PHEX: variants seen among roughly 807,000 people sequenced by gnomAD.
The protein encoded by PHEX is phosphate-regulating neutral endopeptidase PHEX.
PHEX carries 16 observed loss-of-function variants against 68.0 expected under a neutral mutation model. The ratio of observed to expected loss-of-function variants is 0.24; its 90% confidence interval spans 0.16 to 0.36. The LOEUF (loss-of-function observed/expected upper bound fraction) is 0.36. PHEX is among the 10% of genes least tolerant of loss of function. PHEX has a pLI of 1.00. For synonymous variants in PHEX, 208 were observed against 205.1 expected (o/e 1.01, Z -0.12); for missense variants, 480 against 575.5 (o/e 0.83, Z 1.70).
At chrX:22,223,694 C>T (rs1239048017) in intron 18 of PHEX, among the ~76,000 whole-genome samples, 5 of 112,432 alleles carry the variant, frequency 4.4e-5, no homozygotes, top group Non-Finnish European at 5.6e-5. Flanking sequence ...TATGATCACA[C>T]CACTGCACTC....
chrX:22,134,442 A>T (rs1376227819), intron 12 of PHEX, among the ~76,000 whole-genome samples: 2 of 111,748 alleles, frequency 1.8e-5, no homozygotes, highest in African/African-American at 6.5e-5. Flanking sequence ...AATACAAAAA[A>T]ATTAGTCGGG....
At chrX:22,219,480 G>C in intron 17 of PHEX, among the ~76,000 whole-genome samples, 1 of 112,584 alleles carries the variant, frequency 8.9e-6, no homozygotes. Flanking sequence ...CTCCAACGAT[G>C]ATTATACATG....
At chrX:22,052,273 C>A (rs1298781039) in intron 3 of PHEX, among the ~76,000 whole-genome samples, 1 of 112,526 alleles carries the variant, frequency 8.9e-6, no homozygotes, top group African/African-American at 3.2e-5. Flanking sequence ...GTTGCCCAGG[C>A]TGGAAGTGCA....
chrX:22,100,224 G>A lies in PHEX; in HGVS notation c.1079+1073G>A, dbSNP rs148658836. 2.5e-3 allele frequency among the ~76,000 whole-genome samples: 282 copies of A among 111,789 alleles called. 1 individual carries two copies. Among genetic ancestry groups the A allele is most frequent in the African/African-American group, 7.8e-3 (241 of 30,807 alleles). ...CAGGAATGTCAGCAGCATCACCTCG[G>A]GTGCTTGTTAAAAATGCAGATTCCA... On this transcript the variant is annotated intron_variant, in intron 9 of 21. Transcript: ENST00000379374.
chrX:22,065,772 G>A (rs907274411), intron 3 of PHEX, among the ~76,000 whole-genome samples: 1 of 111,823 alleles, frequency 8.9e-6, no homozygotes, highest in Non-Finnish European at 1.9e-5. Context: ...AGAATCATTT[G>A]TTTTCTCTAC....
In PHEX at chrX:22,077,535, C is replaced by G. The variant is rs751230094; in HGVS notation, c.496C>G (p.Arg166Gly). ...LLHILRHSPF[R>G]WPVLESNIGP... is the part of the protein sequence containing the mutation. ...ACACATCCTACGGCATTCACCTTTCCGCTGGCCCGTGCTTGAATCTAATAT... is the reference window on the plus strand; with the variant it reads ...ACACATCCTACGGCATTCACCTTTCGGCTGGCCCGTGCTTGAATCTAATAT... The change falls in exon 5 of 22, where the codon CGC becomes GGC. Residue 166 changes from arginine to glycine, a missense_variant. Transcript: ENST00000379374. The G allele has an allele frequency of 8.3e-7, 1 of 1,211,655 alleles. No homozygotes were observed. Among genetic ancestry groups the G allele is most frequent in the Admixed American group, 2.2e-5 (1 of 46,023 alleles).
intron 12 of PHEX, among the ~76,000 whole-genome samples, chrX:22,140,917 C>CTTT (rs11294508): frequency 1.0e-5 from 1 of 100,018 alleles, no homozygotes; most frequent in Non-Finnish European, 2.0e-5. Flanking sequence ...GAGGTAGGTA[C>CTTT]TTTTTTTTTT....
At chrX:22,095,889 C>T (rs1372603257) in intron 7 of PHEX, among the ~76,000 whole-genome samples, 1 of 112,211 alleles carries the variant, frequency 8.9e-6, no homozygotes, top group Non-Finnish European at 1.9e-5. Flanking sequence ...CCAAATACGT[C>T]CTTGTAATTA....
intron 12 of PHEX, among the ~76,000 whole-genome samples, chrX:22,158,500 A>C (rs1933017428): frequency 8.9e-6 from 1 of 112,425 alleles, no homozygotes; most frequent in Non-Finnish European, 1.9e-5. Flanking sequence ...ACAGCTATTT[A>C]ATTAAGTGAT....
At chrX:22,138,060 C>A (rs1243877540) in intron 12 of PHEX, among the ~76,000 whole-genome samples, 1 of 112,434 alleles carries the variant, frequency 8.9e-6, no homozygotes, top group African/African-American at 3.2e-5. Context: ...ATACTCGTTG[C>A]TGACTGCCTT....
At chrX:22,113,717 C>G (rs1451968589) in intron 10 of PHEX, among the ~76,000 whole-genome samples, 1 of 110,489 alleles carries the variant, frequency 9.1e-6, no homozygotes, top group African/African-American at 3.3e-5. Context: ...GAAACCCTCA[C>G]TGGGCAGGAA....
rs916226414 is a variant in PHEX, at chrX:22,099,718, T to C, written c.1079+567T>C. ...TAGTTTATTGCTACAAAGAAAAATCTTCCAATATTCCAGGAAGGAGAATTT... is the reference window on the plus strand; with the variant it reads ...TAGTTTATTGCTACAAAGAAAAATCCTCCAATATTCCAGGAAGGAGAATTT... On this transcript the variant is annotated intron_variant, in intron 9 of 21. Transcript: ENST00000379374. Among the ~76,000 whole-genome samples the C allele has an allele frequency of 4.5e-5, 5 of 112,126 alleles. No individual in the cohort carries two copies. In the Admixed American group the frequency reaches 4.7e-4, roughly 11 times the overall value.
At chrX:22,230,229 C>CTTTTTTTT (rs140475343) in intron 20 of PHEX, among the ~76,000 whole-genome samples, 5 of 10,939 alleles carry the variant, frequency 4.6e-4, no homozygotes, top group African/African-American at 5.7e-4. Context: ...TATATGGGCT[C>CTTTTTTTT]TTTTTTTTTT....
intron 18 of PHEX, among the ~76,000 whole-genome samples, chrX:22,223,902 C>G (rs941650216): frequency 8.9e-6 from 1 of 112,845 alleles, no homozygotes; most frequent in East Asian, 2.8e-4. Flanking sequence ...TGCTTGGGTT[C>G]GAATCCCAGT....
chrX:22,161,381 G>A (rs192564358), intron 12 of PHEX, among the ~76,000 whole-genome samples: 2 of 112,258 alleles, frequency 1.8e-5, no homozygotes, highest in African/African-American at 6.5e-5. Context: ...AGCCGAGATC[G>A]TGCTACTGCA....
Position 22,238,305 on chromosome X carries a change from C to T in PHEX, c.2071-7028C>T, listed in dbSNP as rs766810543. On this transcript the variant is annotated intron_variant, in intron 20 of 21. Transcript: ENST00000379374. ...GAGGGTGAGCCAAAGCAGGGTGGGA[C>T]GTCACTTCACCCGGGAAGCACAAGG... 7.0e-4 allele frequency among the ~76,000 whole-genome samples: 78 copies of T among 111,664 alleles called. 1 individual carries two copies. Among genetic ancestry groups the T allele is most frequent in the Middle Eastern group, 9.1e-3 (2 of 219 alleles).
chrX:22,176,397 AAAAAAATATAT>A (rs761432913), intron 13 of PHEX, among the ~76,000 whole-genome samples: 3,360 of 75,520 alleles, frequency 0.044, 71 homozygotes, highest in Middle Eastern at 0.055. Flanking sequence ...AAAAAAAAAA[AAAAAAATATAT>A]ATATATATAT....
intron 9 of PHEX, among the ~76,000 whole-genome samples, chrX:22,103,517 G>A (rs781311390): frequency 2.7e-5 from 3 of 110,477 alleles, no homozygotes; most frequent in Admixed American, 9.7e-5. Flanking sequence ...TTGCATTCTC[G>A]TAGCTTACCT....
chrX:22,037,024 G>A (rs751422125), intron 1 of PHEX, among the ~76,000 whole-genome samples: 1 of 106,339 alleles, frequency 9.4e-6, no homozygotes, highest in African/African-American at 3.5e-5. Context: ...GCGTGAACCC[G>A]GGAGGCAGAG....
Sources: gnomAD v4.1 joint callset for allele counts (sites outside exome capture counted in the v4.1 genomes callset) on GRCh38, gnomAD v4.1.1 for gene constraint, MANE v1.5 for transcripts, NCBI Gene and HGNC (gene_info 2026-07-23, HGNC 2026-07-21) for gene names.